The following GPHN variants were observed in gnomAD, a reference collection of about 807,000 sequenced individuals.
GPHN encodes the protein gephyrin.
In GPHN, 17 loss-of-function variants were observed where a neutral mutation model predicts 95.5. The ratio of observed to expected loss-of-function variants is 0.18; its 90% CI spans 0.12 to 0.27. GPHN has a LOEUF of 0.27. GPHN is among the 10% of genes least tolerant of loss of function. The pLI is 1.00. For synonymous variants in GPHN, 320 were observed against 322.5 expected (o/e 0.99, Z 0.08); for missense variants, 660 against 978.1 (o/e 0.67, Z 4.34).
intron 21 of GPHN, among the ~76,000 whole-genome samples, chr14:67,172,644 G>T (rs1024287564): frequency 6.6e-6 from 1 of 152,074 alleles, no homozygotes; most frequent in Non-Finnish European, 1.5e-5. Context: ...CATCCTACAG[G>T]TCAAACAACT....
intron 4 of GPHN, among the ~76,000 whole-genome samples, chr14:66,865,238 A>T (rs2063180976): frequency 6.6e-6 from 1 of 152,040 alleles, no homozygotes; most frequent in African/African-American, 2.4e-5. Flanking sequence ...ATTTTTAAAT[A>T]AAAAATATAA....
At chr14:67,392,669 T>C in the GPHN span, 7 of 1,613,202 alleles carry the variant, frequency 4.3e-6, no homozygotes, top group Non-Finnish European at 5.1e-6. Context: ...TACAAAAGTG[T>C]ACAGGGCTGT....
the GPHN span, chr14:67,562,185 C>A: frequency 2.5e-6 from 4 of 1,611,546 alleles, no homozygotes; most frequent in East Asian, 6.7e-5. Flanking sequence ...CCCTACGGAG[C>A]TGCAGAGCAG....
intron 11 of GPHN, among the ~76,000 whole-genome samples, chr14:67,067,401 C>T (rs2076104561): frequency 6.6e-6 from 1 of 152,202 alleles, no homozygotes. Flanking sequence ...TTAGGCTACA[C>T]AGGGGTCAGG....
intron 1 of GPHN, among the ~76,000 whole-genome samples, chr14:66,548,250 G>A (rs1028702695): frequency 3.4e-5 from 5 of 148,866 alleles, no homozygotes; most frequent in African/African-American, 5.0e-5. Flanking sequence ...GCACGATCTC[G>A]GCTCACTGCA....
At chr14:66,883,763 C>T (rs1054369937) in intron 5 of GPHN, among the ~76,000 whole-genome samples, 2 of 152,094 alleles carry the variant, frequency 1.3e-5, no homozygotes, top group Non-Finnish European at 2.9e-5. Context: ...CTGCCCAGTA[C>T]ATGAATGATT....
chr14:67,503,756 T>C, the GPHN span, among the ~76,000 whole-genome samples: 38 of 152,194 alleles, frequency 2.5e-4, no homozygotes, highest in Admixed American at 3.9e-4. Context: ...CAGGCTGGAG[T>C]ACAGTCGTGC....
chr14:67,372,183 G>A, the GPHN span, among the ~76,000 whole-genome samples: 136 of 152,076 alleles, frequency 8.9e-4, 1 homozygote, highest in Non-Finnish European at 3.8e-4. Context: ...ATTAACAAAA[G>A]TACAAAGGCA....
At chr14:67,196,047 A>T in the GPHN span, among the ~76,000 whole-genome samples, 1 of 151,982 alleles carries the variant, frequency 6.6e-6, no homozygotes, top group African/African-American at 2.4e-5. Context: ...TGGCCTCCTA[A>T]ATAATGCTTT....
In GPHN at chr14:67,089,125, CTTTTTTTCTTTTTTTTT is replaced by C. The variant is rs745346911; in HGVS notation, c.1237+58_1237+74del. 561 of 329,194 alleles carry C rather than the reference CTTTTTTTCTTTTTTTTT, an allele frequency of 1.7e-3. 4 individuals carry two copies. The highest frequency in any genetic ancestry group is 4.5e-3 in the African/African-American group (161 of 36,178). 20.4% of individuals were successfully genotyped at this position (329,194 alleles called of 1,614,324 possible). ...ATAATCAGGCACTGTATTTTTTTTTCTTTTTTTCTTTTTTTTTTTTTTTTTTTTTTTTTCAAATTTTT... is the reference window on the plus strand; with the variant it reads ...ATAATCAGGCACTGTATTTTTTTTTCTTTTTTTTTTTTTTTTCAAATTTTT... On this transcript the variant is annotated intron_variant, in intron 12 of 22. Coordinates refer to ENST00000478722, the MANE Select transcript of GPHN (RefSeq NM_020806.5).
chr14:66,667,164 A>G (rs2066013170), intron 1 of GPHN, among the ~76,000 whole-genome samples: 1 of 152,248 alleles, frequency 6.6e-6, no homozygotes, highest in African/African-American at 2.4e-5. Flanking sequence ...GAAACATTCC[A>G]TGCTCATGGA....
chr14:66,879,682 A>T (rs1333309961), intron 4 of GPHN, among the ~76,000 whole-genome samples: 1 of 152,134 alleles, frequency 6.6e-6, no homozygotes, highest in East Asian at 1.9e-4. Flanking sequence ...TGAGATTTCT[A>T]TCAAATACTT....
At position 66,685,884 on chromosome 14, in the gene GPHN, A is replaced by G. The variant is rs569468217; in HGVS notation, c.143+4699A>G. 1.3e-5 allele frequency among the ~76,000 whole-genome samples: 2 copies of G among 152,314 alleles called. 1 individual carries two copies. The highest frequency in any genetic ancestry group is 4.1e-4 in the South Asian group (2 of 4,824). ...CTAGGGTTTTTATGGTTTTAGGTCT[A>G]ACATGTAAGTCTTTAATCCATCTTG... On this transcript the variant is annotated intron_variant, in intron 2 of 22. Transcript: ENST00000478722.
At chr14:66,998,877 T>TA (rs55936517) in intron 9 of GPHN, among the ~76,000 whole-genome samples, 3,230 of 143,622 alleles carry the variant, frequency 0.022, 88 homozygotes, top group East Asian at 0.072. Flanking sequence ...GGTCCCTTTG[T>TA]AAAAAAAAAA....
the GPHN span, among the ~76,000 whole-genome samples, chr14:67,242,476 T>C: frequency 2.0e-5 from 3 of 152,264 alleles, no homozygotes; most frequent in Non-Finnish European, 4.4e-5. Context: ...GTTTTAATGA[T>C]AGTTTACTAA....
chr14:67,698,114 T>C, the GPHN span, among the ~76,000 whole-genome samples: 1 of 152,228 alleles, frequency 6.6e-6, no homozygotes, highest in Non-Finnish European at 1.5e-5. Flanking sequence ...CAGTCACTTT[T>C]GTCCACCAAG....
At chr14:67,232,936 G>C in the GPHN span, among the ~76,000 whole-genome samples, 1 of 151,990 alleles carries the variant, frequency 6.6e-6, no homozygotes, top group African/African-American at 2.4e-5. Flanking sequence ...CCTAGCACCA[G>C]CTACAGATTT....
chr14:67,591,909 T>C, the GPHN span: 1 of 151,882 alleles, frequency 6.6e-6, no homozygotes, highest in African/African-American at 2.4e-5. Flanking sequence ...CAAGAGTGGC[T>C]AAATAAACTG....
intron 1 of GPHN, among the ~76,000 whole-genome samples, chr14:66,586,748 A>G (rs1375898745): frequency 2.6e-5 from 4 of 151,804 alleles, no homozygotes; most frequent in Non-Finnish European, 5.9e-5. Flanking sequence ...AGTTTCTGCA[A>G]CGAAAGCATT....
Sources: gnomAD v4.1 joint callset for allele counts (sites outside exome capture counted in the v4.1 genomes callset) on GRCh38, gnomAD v4.1.1 for gene constraint, MANE v1.5 for transcripts, NCBI Gene and HGNC (gene_info 2026-07-23, HGNC 2026-07-21) for gene names.